The following RXRA variants were observed in gnomAD, a reference collection of about 807,000 sequenced individuals.
RXRA encodes retinoid X receptor alpha, also known as retinoic acid receptor RXR-alpha.
Under a neutral mutation model 44.5 loss-of-function variants are expected in RXRA, and 5 were observed. That is an observed-to-expected ratio of 0.11 (90% confidence interval 0.06 to 0.24). RXRA has a LOEUF of 0.24. Ranked by LOEUF, RXRA falls within the 10% of genes least tolerant of loss-of-function variation. RXRA has a pLI of 1.00. For missense variants in RXRA, 412 were observed against 646.5 expected (o/e 0.64, Z 3.93); for synonymous variants, 291 against 271.4 (o/e 1.07, Z -0.71).
intron 7 of RXRA, among the ~76,000 whole-genome samples, chr9:134,430,196 G>A (rs562710014): frequency 1.9e-4 from 29 of 152,364 alleles, no homozygotes; most frequent in African/African-American, 6.3e-4. Context: ...TCTCTGCACA[G>A]TCTTTCTCCA....
chr9:134,400,203 G>C (rs908284933), intron 1 of RXRA, among the ~76,000 whole-genome samples: 1 of 152,198 alleles, frequency 6.6e-6, no homozygotes, highest in Non-Finnish European at 1.5e-5. Context: ...CCCATGAGAG[G>C]CCTGGCCCAG....
chr9:134,436,775 C>T lies in RXRA; in HGVS notation c.*161C>T. The T allele has an allele frequency of 1.3e-5, 10 of 750,932 alleles. No individual in the cohort carries two copies. Among genetic ancestry groups the T allele is most frequent in the Non-Finnish European group, 2.1e-5 (10 of 472,534 alleles). 46.5% of individuals were successfully genotyped at this position (750,932 alleles called of 1,614,324 possible). On this transcript the variant is annotated 3_prime_UTR_variant, in exon 10 of 10. Transcript: ENST00000481739. ...TCTGCCTAAGAGATGTGTTGTCACC[C>T]TCCTTATTTCTGTTACTACTTGTCT...
chr9:134,360,464 CG>C (rs1830336729), intron 1 of RXRA, among the ~76,000 whole-genome samples: 1 of 152,210 alleles, frequency 6.6e-6, no homozygotes, highest in East Asian at 1.9e-4. Flanking sequence ...CCCCTGGTCC[CG>C]CCGCCTGCAG....
At position 134,343,746 on chromosome 9, in the gene RXRA, C is replaced by G. The variant is rs1340043221; in HGVS notation, c.28+17087C>G. ...GGACCAACCCTCCATCCGCCCGTCC[C>G]CAGCCGGGCGCGGCACTGAGCTGAG... is the stretch of plus-strand genomic sequence containing the variant. On this transcript the variant is annotated intron_variant, in intron 1 of 9. Transcript: ENST00000481739. The surrounding 1 kb of genome is among the most constrained non-coding windows in gnomAD (Gnocchi z 4.1). Among the ~76,000 whole-genome samples, 10 of 152,158 alleles carry G rather than the reference C, an allele frequency of 6.6e-5. No individual in the cohort carries two copies. Among genetic ancestry groups the G allele is most frequent in the Admixed American group, 6.5e-4 (10 of 15,280 alleles).
chr9:134,378,356 C>CGCCTGTGTGCCAGT (rs1398941926), intron 1 of RXRA, among the ~76,000 whole-genome samples: 5 of 152,184 alleles, frequency 3.3e-5, no homozygotes, highest in Admixed American at 2.0e-4. Flanking sequence ...TGCCGGCCAG[C>CGCCTGTGTGCCAGT]GCCTGTGTGC....
chr9:134,336,008 G>A (rs543289141), intron 1 of RXRA, among the ~76,000 whole-genome samples: 9 of 152,216 alleles, frequency 5.9e-5, no homozygotes, highest in Admixed American at 3.9e-4. Flanking sequence ...AGCTCTGACC[G>A]TGAGCAGAGT....
At chr9:134,376,614 A>T (rs923528539) in intron 1 of RXRA, among the ~76,000 whole-genome samples, 1 of 152,298 alleles carries the variant, frequency 6.6e-6, no homozygotes, top group Admixed American at 6.5e-5. Flanking sequence ...ATAGAAGGTG[A>T]TGCTTAGGGA....
intron 1 of RXRA, among the ~76,000 whole-genome samples, chr9:134,353,929 G>A (rs1830252154): frequency 6.6e-6 from 1 of 152,246 alleles, no homozygotes; most frequent in Non-Finnish European, 1.5e-5. Context: ...AAGGCTGGTG[G>A]TGATGGGACT....
chr9:134,416,923 T>C (rs1401111961), intron 4 of RXRA, among the ~76,000 whole-genome samples: 1 of 152,142 alleles, frequency 6.6e-6, no homozygotes, highest in Non-Finnish European at 1.5e-5. Flanking sequence ...CCAGGCAGGC[T>C]CCTGGTGTGA....
At chr9:134,347,626 G>A (rs781784953) in intron 1 of RXRA, among the ~76,000 whole-genome samples, 3 of 152,232 alleles carry the variant, frequency 2.0e-5, no homozygotes, top group Admixed American at 6.5e-5. Flanking sequence ...ACTGGCCAGC[G>A]TGGTTAGGGA....
intron 1 of RXRA, among the ~76,000 whole-genome samples, chr9:134,337,478 C>T (rs936758517): frequency 1.3e-5 from 2 of 152,152 alleles, no homozygotes; most frequent in Non-Finnish European, 2.9e-5. Flanking sequence ...GACCTTGGAC[C>T]AGATGTTTTA....
intron 1 of RXRA, among the ~76,000 whole-genome samples, chr9:134,330,612 C>T (rs1554746528): frequency 6.6e-6 from 1 of 152,200 alleles, no homozygotes; most frequent in African/African-American, 2.4e-5. Flanking sequence ...TCCTTCCTTC[C>T]TCTCCTCTGC....
At chr9:134,409,159 G>A (rs2119160429) in intron 4 of RXRA, 40 bp downstream of exon 4, 1 of 1,501,268 alleles carries the variant, frequency 6.7e-7, no homozygotes, top group East Asian at 2.5e-5. Context: ...GCAGGTGTTG[G>A]ACAAACAGTG....
chr9:134,390,205 AG>A (rs1289373069), intron 1 of RXRA, among the ~76,000 whole-genome samples: 1 of 151,988 alleles, frequency 6.6e-6, no homozygotes, highest in African/African-American at 2.4e-5. Context: ...AGGGAAGGGG[AG>A]GGGGAGTCTG....
At chr9:134,357,607 G>A (rs968467767) in intron 1 of RXRA, among the ~76,000 whole-genome samples, 2 of 151,994 alleles carry the variant, frequency 1.3e-5, no homozygotes, top group Non-Finnish European at 2.9e-5. Context: ...CCCTGGGTTC[G>A]AGGCCAAGGG....
At chr9:134,350,978 G>A (rs985572653) in intron 1 of RXRA, among the ~76,000 whole-genome samples, 2 of 152,238 alleles carry the variant, frequency 1.3e-5, no homozygotes, top group Non-Finnish European at 2.9e-5. Context: ...CCTCAGCAAG[G>A]GGGGGCTGAG....
At position 134,407,332 on chromosome 9, in the gene RXRA, C is replaced by T. The variant is rs1225299576; in HGVS notation, c.280-817C>T. 6.6e-6 allele frequency among the ~76,000 whole-genome samples: 1 copy of T among 152,240 alleles called. No individual in the cohort carries two copies. Among genetic ancestry groups the T allele is most frequent in the Non-Finnish European group, 1.5e-5 (1 of 68,034 alleles). The stretch of plus-strand genomic sequence containing the variant: ...GGTTTGCAGAAGTGGAGGCTGGGGG[C>T]TGCCTGGCCAAGCGCTTACCGCCCT... On this transcript the variant is annotated intron_variant, in intron 2 of 9. Transcript: ENST00000481739. The surrounding 1 kb of genome is among the most constrained non-coding windows in gnomAD (Gnocchi z 4.8).
At chr9:134,369,522 TG>T (rs1325552247) in intron 1 of RXRA, among the ~76,000 whole-genome samples, 159 of 52,028 alleles carry the variant, frequency 3.1e-3, no homozygotes, top group African/African-American at 0.011. Flanking sequence ...TGCGTGTGTG[TG>T]GGGGGGTTAT....
intron 1 of RXRA, among the ~76,000 whole-genome samples, chr9:134,388,342 C>T (rs373320987): frequency 2.0e-5 from 3 of 151,858 alleles, no homozygotes; most frequent in African/African-American, 7.3e-5. Context: ...GGGGTCACTA[C>T]GGGCATCTGG....
Sources: gnomAD v4.1 joint callset for allele counts (sites outside exome capture counted in the v4.1 genomes callset) on GRCh38, gnomAD v4.1.1 for gene constraint, Gnocchi (gnomAD v3.1) non-coding constraint, MANE v1.5 for transcripts, NCBI Gene and HGNC (gene_info 2026-07-23, HGNC 2026-07-21) for gene names.